Variants in CDKL5 observed in about 807,000 individuals in gnomAD.
CDKL5 encodes the protein cyclin-dependent kinase-like 5.
In CDKL5, 8 loss-of-function variants were observed where a neutral mutation model predicts 61.7. The observed-to-expected ratio is 0.13, with a 90% CI of 0.08 to 0.23. The LOEUF (loss-of-function observed/expected upper bound fraction) is 0.23, where lower values mean the gene tolerates loss of function less well. Among genes scored for constraint, CDKL5 ranks in the 10% least tolerant of loss-of-function variants. The pLI, the probability that CDKL5 is intolerant of heterozygous loss-of-function variation, is 1.00. For synonymous variants in CDKL5, 275 were observed against 272.3 expected (o/e 1.01, Z -0.10); for missense variants, 440 against 734.5 (o/e 0.60, Z 4.63).
At chrX:18,575,603 A>G (rs1281357297) in intron 5 of CDKL5, 113 bp downstream of exon 5, 24 of 670,795 alleles carry the variant, frequency 3.6e-5, no homozygotes, top group Non-Finnish European at 5.2e-5. Context: ...TGTACTCATA[A>G]TCTGAGGACT....
intron 7 of CDKL5, among the ~76,000 whole-genome samples, 156 bp downstream of exon 7, chrX:18,582,106 G>A (rs1480571876): frequency 9.0e-6 from 1 of 111,535 alleles, no homozygotes; most frequent in African/African-American, 3.2e-5. Context: ...ATTGATTGCT[G>A]GAGGAGTACT....
chrX:18,566,440 G>A (rs1924973046), intron 4 of CDKL5, among the ~76,000 whole-genome samples: 1 of 113,057 alleles, frequency 8.8e-6, no homozygotes, highest in African/African-American at 3.2e-5. Context: ...ACAGGCGTGA[G>A]CCACCTTGTC....
rs1480569578 is a variant in CDKL5 at position 18,634,816 on chromosome X, TTA to T, written c.*6061_*6062del. The T allele has an allele frequency of 2.3e-5, 17 of 748,855 alleles. No individual in the cohort carries two copies. Among genetic ancestry groups the T allele is most frequent in the Non-Finnish European group, 2.5e-5 (16 of 636,962 alleles). The allele number at this position is 748,855 out of a possible 1,213,427, so 61.7% of individuals were successfully genotyped here. A position where few individuals can be genotyped will look rare whatever the true frequency, so the allele number is the denominator to read the frequency against. Reference sequence around the variant, plus strand: ...TTTGTGCCATTTTGAATTCAGGTAGTTATTCTGTATATACTTAGCTAACTATT... The same window carrying T: ...TTTGTGCCATTTTGAATTCAGGTAGTTTCTGTATATACTTAGCTAACTATT... On this transcript the variant is annotated 3_prime_UTR_variant, in exon 18 of 18. Transcript: ENST00000623535.
chrX:18,509,091 AACACACACACACAC>A (rs34278137), intron 2 of CDKL5, among the ~76,000 whole-genome samples: 5 of 74,880 alleles, frequency 6.7e-5, no homozygotes, highest in African/African-American at 1.5e-4. Flanking sequence ...ACTGTCTCAA[AACACACACACACAC>A]ACACACACAC....
At chrX:18,644,116 T>A (rs1470536550), downstream of CDKL5, among the ~76,000 whole-genome samples, 1 of 112,005 alleles carries the variant, frequency 8.9e-6, no homozygotes, top group African/African-American at 3.2e-5. Context: ...TGAAGCAAAG[T>A]GCATTCAATG....
chrX:18,503,244 C>T (rs1021176026), intron 1 of CDKL5, among the ~76,000 whole-genome samples: 4 of 112,518 alleles, frequency 3.6e-5, no homozygotes, highest in Admixed American at 9.4e-5. Flanking sequence ...AGTGCAATGG[C>T]ACAATCTTGG....
intron 17 of CDKL5, among the ~76,000 whole-genome samples, chrX:18,626,336 T>C (rs1030815146): frequency 6.3e-5 from 7 of 111,153 alleles, no homozygotes; most frequent in Middle Eastern, 4.6e-3. Context: ...CCCAAAGTGC[T>C]GGGATTACAG....
chrX:18,594,613 G>A (rs1267563670), intron 9 of CDKL5, among the ~76,000 whole-genome samples: 1 of 111,426 alleles, frequency 9.0e-6, no homozygotes, highest in Non-Finnish European at 1.9e-5. Context: ...AAGCTATAAG[G>A]ATTCTATCTA....
At chrX:18,583,786 T>G (rs866814219) in intron 7 of CDKL5, among the ~76,000 whole-genome samples, 4 of 112,074 alleles carry the variant, frequency 3.6e-5, no homozygotes, top group Admixed American at 1.9e-4. Flanking sequence ...TTTCCATCAC[T>G]GTTTATGTAA....
chrX:18,509,197 G>GCACACGCGCACA (rs1555940192), intron 2 of CDKL5, among the ~76,000 whole-genome samples: 20 of 64,308 alleles, frequency 3.1e-4, no homozygotes, highest in African/African-American at 1.2e-3. Context: ...CTCAAAACAC[G>GCACACGCGCACA]CACACACACA....
intron 1 of CDKL5, among the ~76,000 whole-genome samples, chrX:18,489,990 G>A (rs1433288898): frequency 9.0e-6 from 1 of 111,317 alleles, no homozygotes; most frequent in Non-Finnish European, 1.9e-5. Context: ...ATCACAGTTC[G>A]TGGTCTTCAT....
chrX:18,643,249 T>C (rs754404057), downstream of CDKL5, among the ~76,000 whole-genome samples: 5 of 112,061 alleles, frequency 4.5e-5, no homozygotes, highest in African/African-American at 1.6e-4. Context: ...CACTAGGACA[T>C]TTCATCTCCT....
chrX:18,442,467 TTTTTGTTTTGTTTTGTTTTG>T (rs60114040), intron 1 of CDKL5: 3 of 107,664 alleles, frequency 2.8e-5, no homozygotes, highest in Non-Finnish European at 3.8e-5. Context: ...TCTGTTGGTT[TTTTTGTTTTGTTTTGTTTTG>T]TTTTGTTTTG....
In CDKL5 at chrX:18,634,215, T is replaced by G; in HGVS notation, c.*5458T>G. The G allele has an allele frequency of 1.3e-6, 1 of 753,808 alleles. No homozygotes were observed. The highest frequency in any genetic ancestry group is 1.6e-6 in the Non-Finnish European group (1 of 638,861). The allele number at this position is 753,808 out of a possible 1,213,427, so 62.1% of individuals were successfully genotyped here. A position where few individuals can be genotyped will look rare whatever the true frequency, so the allele number is the denominator to read the frequency against. Reference sequence around the variant, plus strand: ...GTATCAGGGAGAAAGAGGCCTTATCTGTTCCTCCATCCCCCCTGTTTTGAC... The same window carrying G: ...GTATCAGGGAGAAAGAGGCCTTATCGGTTCCTCCATCCCCCCTGTTTTGAC... On this transcript the variant is annotated 3_prime_UTR_variant, in exon 18 of 18. Coordinates refer to ENST00000623535, the MANE Select transcript of CDKL5 (RefSeq NM_001323289.2).
intron 3 of CDKL5, among the ~76,000 whole-genome samples, chrX:18,554,220 C>A (rs1924511929): frequency 9.3e-6 from 1 of 107,629 alleles, no homozygotes; most frequent in East Asian, 2.9e-4. Flanking sequence ...CCCCCTTCCC[C>A]CCATCCCATG....
At chrX:18,593,196 A>G (rs1925884260) in intron 9 of CDKL5, among the ~76,000 whole-genome samples, 1 of 112,314 alleles carries the variant, frequency 8.9e-6, no homozygotes, top group South Asian at 3.7e-4. Context: ...AGAAAGAGAC[A>G]AGACTGATTG....
At chrX:18,496,669 A>G (rs559293912) in intron 1 of CDKL5, among the ~76,000 whole-genome samples, 1 of 111,764 alleles carries the variant, frequency 8.9e-6, no homozygotes, top group Middle Eastern at 4.6e-3. Context: ...AGGGTCTGCT[A>G]TTTGTCATGT....
intron 1 of CDKL5, among the ~76,000 whole-genome samples, chrX:18,436,160 A>G (rs991621285): frequency 6.3e-5 from 7 of 111,650 alleles, no homozygotes; most frequent in Admixed American, 4.8e-4. Flanking sequence ...AAGAGAAAAG[A>G]TACTTACTAT....
At chrX:18,653,306 T>C (rs1928125905) in intron 21 of CDKL5, 3 of 1,133,095 alleles carry the variant, frequency 2.6e-6, no homozygotes, top group Admixed American at 5.4e-5. Context: ...AGCATTAAAG[T>C]GAAGATTAGG....
Sources: allele counts gnomAD v4.1 joint callset (sites outside exome capture counted in the v4.1 genomes callset), GRCh38; gene constraint gnomAD v4.1.1; transcripts MANE v1.5; gene names NCBI Gene and HGNC (gene_info 2026-07-23, HGNC 2026-07-21).